Variants in PPM1E observed in about 807,000 individuals in gnomAD.
The protein encoded by PPM1E is protein phosphatase, Mg2+/Mn2+ dependent 1E.
A neutral mutation model predicts 65.9 loss-of-function variants in PPM1E; 20 were observed. That is an observed-to-expected ratio of 0.30 (90% CI 0.21 to 0.44). The LOEUF (loss-of-function observed/expected upper bound fraction) is 0.44, where lower values mean the gene tolerates loss of function less well. Among genes scored for constraint, PPM1E ranks in the 20% least tolerant of loss-of-function variants. The pLI is 1.00. For synonymous variants in PPM1E, 352 were observed against 374.9 expected, an observed-to-expected ratio of 0.94 and a Z score of 0.70; for missense variants, 713 against 953.1, an observed-to-expected ratio of 0.75 and a Z score of 3.32.
At chr17:58,820,854 G>T (rs1315546694) in intron 1 of PPM1E, among the ~76,000 whole-genome samples, 2 of 151,918 alleles carry the variant, frequency 1.3e-5, no homozygotes, top group Non-Finnish European at 2.9e-5. Context: ...AGTAGCAATG[G>T]TCCTACTAAT....
chr17:58,860,144 A>C (rs558588682), intron 1 of PPM1E, among the ~76,000 whole-genome samples: 74 of 152,324 alleles, frequency 4.9e-4, no homozygotes, highest in Non-Finnish European at 8.7e-4. Flanking sequence ...ATGGAAACTA[A>C]ATGATCTTAA....
At chr17:58,855,571 A>G (rs1414994705) in intron 1 of PPM1E, among the ~76,000 whole-genome samples, 3 of 152,186 alleles carry the variant, frequency 2.0e-5, no homozygotes, top group African/African-American at 7.2e-5. Flanking sequence ...GCAAAAACAC[A>G]GTTTGAAGAG....
At chr17:58,898,301 C>T (rs2051450207) in intron 1 of PPM1E, among the ~76,000 whole-genome samples, 1 of 147,346 alleles carries the variant, frequency 6.8e-6, no homozygotes, top group Non-Finnish European at 1.5e-5. Context: ...AGAACTTAAA[C>T]AAATTTACAA....
At chr17:58,760,831 A>T (rs2144136257) in intron 1 of PPM1E, among the ~76,000 whole-genome samples, 1 of 152,344 alleles carries the variant, frequency 6.6e-6, no homozygotes, top group Non-Finnish European at 1.5e-5. Context: ...AAAAACTCAT[A>T]GAACTCACTG....
intron 1 of PPM1E, among the ~76,000 whole-genome samples, chr17:58,805,626 C>T (rs537533423): frequency 2.4e-4 from 36 of 152,048 alleles, no homozygotes; most frequent in Admixed American, 6.6e-4. Flanking sequence ...TACACAGATT[C>T]GCTTCTATAT....
rs370952781 is a variant in PPM1E, at chr17:58,851,582, G to C, written c.464+95121G>C. Reference sequence around the variant, plus strand: ...GTTTGCCTGGGTATCACCAGCAGATGCTGCAGAACAGCAAATATTGCAGAA... The same window carrying C: ...GTTTGCCTGGGTATCACCAGCAGATCCTGCAGAACAGCAAATATTGCAGAA... On this transcript the variant is annotated intron_variant, in intron 1 of 6. Coordinates refer to ENST00000308249, the MANE Select transcript of PPM1E (RefSeq NM_014906.5). Among the ~76,000 whole-genome samples, 29 of 152,314 alleles carry C rather than the reference G, an allele frequency of 1.9e-4. 1 individual carries two copies. The South Asian group carries it at 5.6e-3, about 29-fold the overall frequency.
chr17:58,865,517 C>T (rs753080502), intron 1 of PPM1E, among the ~76,000 whole-genome samples: 1 of 152,144 alleles, frequency 6.6e-6, no homozygotes. Flanking sequence ...TCAGACCAGC[C>T]TGGGCAACAT....
At chr17:58,802,768 T>C (rs1008556265) in intron 1 of PPM1E, among the ~76,000 whole-genome samples, 1 of 152,190 alleles carries the variant, frequency 6.6e-6, no homozygotes, top group Non-Finnish European at 1.5e-5. Context: ...AATTTGTTCC[T>C]AAAACTATTT....
intron 1 of PPM1E, among the ~76,000 whole-genome samples, chr17:58,767,520 C>A (rs566359952): frequency 1.4e-4 from 22 of 152,166 alleles, no homozygotes; most frequent in Non-Finnish European, 2.6e-4. Context: ...TCACTTCTTG[C>A]CTTGATTACC....
At chr17:58,816,748 ATATATATAT>A (rs1567841979) in intron 1 of PPM1E, among the ~76,000 whole-genome samples, 26 of 8,702 alleles carry the variant, frequency 3.0e-3, no homozygotes, top group East Asian at 0.012. Context: ...ATAAATATAT[ATATATATAT>A]ATATATATAT....
chr17:58,895,730 G>C (rs779424056), intron 1 of PPM1E, among the ~76,000 whole-genome samples: 2 of 152,096 alleles, frequency 1.3e-5, no homozygotes, highest in Non-Finnish European at 2.9e-5. Context: ...GGTACTGCTT[G>C]AGCTGGGAGA....
At chr17:58,802,872 TG>T (rs2050271797) in intron 1 of PPM1E, among the ~76,000 whole-genome samples, 2 of 152,118 alleles carry the variant, frequency 1.3e-5, no homozygotes, top group Non-Finnish European at 1.5e-5. Context: ...GATTTTTGTG[TG>T]TTTTTTTTTA....
At chr17:58,848,199 T>C (rs2050790616) in intron 1 of PPM1E, among the ~76,000 whole-genome samples, 1 of 152,204 alleles carries the variant, frequency 6.6e-6, no homozygotes, top group Non-Finnish European at 1.5e-5. Context: ...TTTCTAAATA[T>C]ACAATCATGT....
chr17:58,854,099 A>G (rs2050856613), intron 1 of PPM1E, among the ~76,000 whole-genome samples: 1 of 152,112 alleles, frequency 6.6e-6, no homozygotes, highest in Admixed American at 6.5e-5. Context: ...TCTTTCAAAA[A>G]TATTTAGTGG....
At chr17:58,963,929 A>C (rs1294624321) in intron 2 of PPM1E, among the ~76,000 whole-genome samples, 2 of 152,096 alleles carry the variant, frequency 1.3e-5, no homozygotes, top group African/African-American at 2.4e-5. Flanking sequence ...AAACCACAAG[A>C]CAGGATTTAC....
At chr17:58,894,094 C>T (rs9914961) in intron 1 of PPM1E, among the ~76,000 whole-genome samples, 1 of 151,884 alleles carries the variant, frequency 6.6e-6, no homozygotes, top group East Asian at 1.9e-4. Flanking sequence ...ACCAGAAAAA[C>T]CACCAAAAAA....
chr17:58,799,960 C>T (rs921765962), intron 1 of PPM1E, among the ~76,000 whole-genome samples: 48 of 152,282 alleles, frequency 3.2e-4, no homozygotes, highest in Non-Finnish European at 3.1e-4. Flanking sequence ...AGATCTTTTG[C>T]ATTTCCATAT....
At chr17:58,856,772 C>G (rs913812014) in intron 1 of PPM1E, among the ~76,000 whole-genome samples, 3 of 152,044 alleles carry the variant, frequency 2.0e-5, no homozygotes, top group African/African-American at 4.8e-5. Flanking sequence ...ATAAATCAAC[C>G]CTGATGACAT....
chr17:58,869,722 A>G (rs1457642306), intron 1 of PPM1E, among the ~76,000 whole-genome samples: 1 of 152,182 alleles, frequency 6.6e-6, no homozygotes, highest in Non-Finnish European at 1.5e-5. Flanking sequence ...AGGCTCATGA[A>G]AATTTTGTTG....
Sources: gnomAD v4.1 joint callset for allele counts (sites outside exome capture counted in the v4.1 genomes callset) on GRCh38, gnomAD v4.1.1 for gene constraint, MANE v1.5 for transcripts, NCBI Gene and HGNC (gene_info 2026-07-23, HGNC 2026-07-21) for gene names.